DOCK5: variants seen among roughly 807,000 people sequenced by gnomAD.
The protein encoded by DOCK5 is dedicator of cytokinesis protein 5.
Under a neutral mutation model 251.8 loss-of-function variants are expected in DOCK5, and 142 were observed. The observed-to-expected ratio is 0.56, with a 90% CI of 0.49 to 0.65. The LOEUF (loss-of-function observed/expected upper bound fraction) is 0.65. Ranked by LOEUF, DOCK5 falls within the 30% of genes least tolerant of loss-of-function variation. The probability of loss-of-function intolerance (pLI) is 0.00; values close to 1 mark genes in which losing one functional copy is unlikely to be tolerated. For missense variants in DOCK5, 2,111 were observed against 2,312.3 expected (o/e 0.91, Z 1.79); for synonymous variants, 842 against 835.5 (o/e 1.01, Z -0.13).
rs1177553555 is a variant in DOCK5 at position 25,292,049 on chromosome 8, A to T, written c.347A>T (p.Gln116Leu). The change falls in exon 6 of 52, where the codon CAG (glutamine) becomes CTG (leucine). Residue 116 changes from glutamine to leucine, a missense_variant. This residue lies in a region of DOCK5 where 335 missense variants were observed against 324.9 expected (regional missense o/e 1.03). Transcript: ENST00000276440. ...YVNNKLTLFRQLQQMTYSLIE... is the reference protein window; with the variant it reads ...YVNNKLTLFRLLQQMTYSLIE... ...AACAACAAGCTCACCCTCTTCCGCC[A>T]GCTGCAGCAGATGACGTACAGCCTG... 6.2e-7 allele frequency: 1 copy of T among 1,601,376 alleles called. No homozygotes were observed. Among genetic ancestry groups the T allele is most frequent in the Non-Finnish European group, 8.5e-7 (1 of 1,173,978 alleles).
At chr8:25,209,019 A>G (rs1005124695) in intron 1 of DOCK5, among the ~76,000 whole-genome samples, 4 of 152,208 alleles carry the variant, frequency 2.6e-5, no homozygotes, top group Non-Finnish European at 5.9e-5. Flanking sequence ...GGCATTTACC[A>G]TTACAGAAAA....
rs1221427323 is a variant in DOCK5, at chr8:25,190,775, GGTTTTTT to G, written c.43+5825_43+5831del. Among the ~76,000 whole-genome samples, 21 of 53,980 alleles carry G rather than the reference GGTTTTTT, an allele frequency of 3.9e-4. 1 individual carries two copies. Among genetic ancestry groups the G allele is most frequent in the Admixed American group, 7.3e-4 (2 of 2,758 alleles). The allele number at this position is 53,980 out of a possible 152,430, so 35.4% of individuals were successfully genotyped here. ...AAGGCCTGGCCTTAACTTGGTCATG[GGTTTTTT>G]TTTTTTTTTTTTTTTTTTTGAGACG... On this transcript the variant is annotated intron_variant, in intron 1 of 51. Transcript: ENST00000276440.
chr8:25,326,179 G>A (rs1805558147), intron 18 of DOCK5, among the ~76,000 whole-genome samples: 1 of 152,148 alleles, frequency 6.6e-6, no homozygotes, highest in Admixed American at 6.5e-5. Context: ...AATGTGTAAG[G>A]AACCCTACTG....
intron 1 of DOCK5, among the ~76,000 whole-genome samples, chr8:25,222,411 G>T (rs1245987191): frequency 6.6e-6 from 1 of 152,136 alleles, no homozygotes; most frequent in Non-Finnish European, 1.5e-5. Flanking sequence ...GGATATGAGA[G>T]CTCTCCTAGG....
At chr8:25,249,776 G>A (rs907354326) in intron 2 of DOCK5, among the ~76,000 whole-genome samples, 2 of 152,192 alleles carry the variant, frequency 1.3e-5, no homozygotes, top group African/African-American at 4.8e-5. Flanking sequence ...TGTAGAGACA[G>A]GGTCTCGCTA....
chr8:25,200,857 AT>A (rs1273500585), intron 1 of DOCK5, among the ~76,000 whole-genome samples: 20 of 152,078 alleles, frequency 1.3e-4, no homozygotes, highest in African/African-American at 4.6e-4. Context: ...CATCTTATTA[AT>A]TGTAGTGTTA....
intron 42 of DOCK5, 71 bp downstream of exon 42, chr8:25,390,358 A>G (rs1439424305): frequency 2.2e-6 from 3 of 1,341,214 alleles, no homozygotes; most frequent in African/African-American, 3.0e-5. Context: ...TATAATCTCA[A>G]CATTTTCCGA....
At chr8:25,217,829 C>A (rs1156557025) in intron 1 of DOCK5, among the ~76,000 whole-genome samples, 2 of 152,124 alleles carry the variant, frequency 1.3e-5, no homozygotes, top group African/African-American at 4.8e-5. Context: ...CTGGTTTCAC[C>A]AAAGAGAATG....
Position 25,389,247 on chromosome 8 carries a change from G to T in DOCK5, c.4273+15G>T, listed in dbSNP as rs767262453. 3 of 1,611,192 alleles carry T rather than the reference G, an allele frequency of 1.9e-6. No homozygotes were observed. In the East Asian group the frequency reaches 6.7e-5, roughly 36 times the overall value. ...CCCCAAGCAGTGTATCCTTTCCGGG[G>T]GGAGTATGGCCCCGAGGCTCTTATG... On this transcript the variant is annotated intron_variant, in intron 41 of 51. Transcript: ENST00000276440.
chr8:25,342,842 G>GT (rs1246888128), intron 25 of DOCK5, among the ~76,000 whole-genome samples: 1 of 126 alleles, frequency 7.9e-3, no homozygotes, highest in Non-Finnish European at 0.014. Flanking sequence ...GGGACTACAA[G>GT]GACCTGCCAC....
intron 23 of DOCK5, 77 bp from the exon 24 acceptor site, chr8:25,341,662 T>C: frequency 7.9e-7 from 1 of 1,260,386 alleles, no homozygotes; most frequent in Non-Finnish European, 1.1e-6. Context: ...CACAGCCTTT[T>C]CTTCCTGGGA....
chr8:25,207,744 G>C (rs7842067), intron 1 of DOCK5, among the ~76,000 whole-genome samples: 1 of 152,008 alleles, frequency 6.6e-6, no homozygotes, highest in African/African-American at 2.4e-5. Flanking sequence ...GATGGAGATG[G>C]ACAAGGAGAT....
intron 32 of DOCK5, 109 bp from the exon 33 acceptor site, chr8:25,368,462 A>G: frequency 7.6e-7 from 1 of 1,308,916 alleles, no homozygotes; most frequent in Non-Finnish European, 1.0e-6. Context: ...TCACTTCTGA[A>G]TTGAGTTGTT....
chr8:25,373,785 C>T (rs1011981193), intron 36 of DOCK5, 127 bp downstream of exon 36: 31 of 840,660 alleles, frequency 3.7e-5, no homozygotes, highest in Middle Eastern at 2.3e-4. Context: ...GTACATGATA[C>T]GCTCCATTCA....
rs117966249 is a variant in DOCK5, at chr8:25,387,419, G to C, written c.4132-1672G>C. Among the ~76,000 whole-genome samples the C allele has an allele frequency of 8.7e-3, 1,330 of 152,196 alleles. 7 individuals are homozygous for C. Among genetic ancestry groups the C allele is most frequent in the Middle Eastern group, 0.037 (11 of 294 alleles). On this transcript the variant is annotated intron_variant, in intron 40 of 51. Coordinates refer to ENST00000276440, the MANE Select transcript of DOCK5 (RefSeq NM_024940.8). ...CAAGACCAGTGATCTTTGAATCAGC[G>C]TCGACTCCCCTGTCTGCCCTGCCCT...
At chr8:25,293,890 G>A (rs1240503980) in intron 6 of DOCK5, among the ~76,000 whole-genome samples, 1 of 152,208 alleles carries the variant, frequency 6.6e-6, no homozygotes, top group East Asian at 1.9e-4. Flanking sequence ...TGTAATCCCA[G>A]CTACTTGGGA....
chr8:25,232,568 A>G lies in DOCK5; in HGVS notation c.44-11106A>G, dbSNP rs561722687. On this transcript the variant is annotated intron_variant, in intron 1 of 51. Coordinates refer to ENST00000276440, the MANE Select transcript of DOCK5 (RefSeq NM_024940.8). Reference sequence around the variant, plus strand: ...GGGCAGTCAGGTTCTGGTGAGGGCAACCTTCTGGGTTGCAGACTGCCAACT... The same window carrying G: ...GGGCAGTCAGGTTCTGGTGAGGGCAGCCTTCTGGGTTGCAGACTGCCAACT... Among the ~76,000 whole-genome samples, 77 of 152,230 alleles carry G rather than the reference A, an allele frequency of 5.1e-4. 1 individual carries two copies. The highest frequency in any genetic ancestry group is 9.3e-4 in the Non-Finnish European group (63 of 67,998).
rs746849662 is a variant in DOCK5 at position 25,331,781 on chromosome 8, C to CAT, written c.1904-450_1904-449dup. Among the ~76,000 whole-genome samples, 676 of 131,084 alleles carry CAT rather than the reference C, an allele frequency of 5.2e-3. 3 individuals carry two copies. Among genetic ancestry groups the CAT allele is most frequent in the African/African-American group, 0.015 (503 of 34,166 alleles). The allele number at this position is 131,084 out of a possible 152,430, so 86.0% of individuals were successfully genotyped here. On this transcript the variant is annotated intron_variant, in intron 18 of 51. Coordinates refer to ENST00000276440, the MANE Select transcript of DOCK5 (RefSeq NM_024940.8). ...GTCATGATGTTGAAATAAATTAATG[C>CAT]ATATATATATATATATATATAGAGA...
intron 1 of DOCK5, among the ~76,000 whole-genome samples, chr8:25,195,251 C>CTTTT (rs59704416): frequency 0.028 from 2,992 of 106,108 alleles, 116 homozygotes; most frequent in African/African-American, 0.089. Flanking sequence ...CTCCTTATCA[C>CTTTT]TTTTTTTTTT....
Sources: allele counts gnomAD v4.1 joint callset (sites outside exome capture counted in the v4.1 genomes callset), GRCh38; gene constraint gnomAD v4.1.1; regional missense constraint gnomAD v4.1.1; transcripts MANE v1.5; gene names NCBI Gene and HGNC (gene_info 2026-07-23, HGNC 2026-07-21).